The following PDIA5 variants were observed in gnomAD, a reference collection of about 807,000 sequenced individuals.
The protein encoded by PDIA5 is protein disulfide-isomerase A5.
A neutral mutation model predicts 77.6 loss-of-function variants in PDIA5; 58 were observed. The observed-to-expected ratio is 0.75, with a 90% confidence interval of 0.61 to 0.93. The LOEUF is 0.93. Among genes scored for constraint, PDIA5 ranks in the 40% least tolerant of loss-of-function variants. The pLI, the probability that PDIA5 is intolerant of heterozygous loss-of-function variation, is 0.00. For synonymous variants in PDIA5, 250 were observed against 252.1 expected, an observed-to-expected ratio of 0.99 and a Z score of 0.08; for missense variants, 630 against 647.7, an observed-to-expected ratio of 0.97 and a Z score of 0.30.
intron 4 of PDIA5, 69 bp from the exon 5 acceptor site, chr3:123,102,681 GC>G: frequency 7.7e-7 from 1 of 1,300,926 alleles, no homozygotes; most frequent in Non-Finnish European, 1.1e-6. Context: ...TTAAGATGCT[GC>G]AGGAAACCAA....
intron 14 of PDIA5, among the ~76,000 whole-genome samples, chr3:123,151,959 GCCTGCCTT>G (rs1935917459): frequency 8.0e-6 from 1 of 125,686 alleles, no homozygotes; most frequent in African/African-American, 3.3e-5. Flanking sequence ...CTTCCTTCCT[GCCTGCCTT>G]CCTTCCTGCC....
intron 1 of PDIA5, among the ~76,000 whole-genome samples, chr3:123,075,582 G>C (rs1183098737): frequency 1.3e-5 from 2 of 152,150 alleles, no homozygotes; most frequent in African/African-American, 4.8e-5. Context: ...TGTGGGGAGG[G>C]CAGATTTCAG....
At chr3:123,117,229 G>A (rs935311163) in intron 8 of PDIA5, among the ~76,000 whole-genome samples, 5 of 151,632 alleles carry the variant, frequency 3.3e-5, no homozygotes, top group Non-Finnish European at 7.4e-5. Context: ...GTAGCATTAA[G>A]TATATTTACA....
chr3:123,121,145 T>A (rs1048742349), intron 8 of PDIA5, among the ~76,000 whole-genome samples: 7 of 152,206 alleles, frequency 4.6e-5, no homozygotes, highest in African/African-American at 1.7e-4. Context: ...TATCCTGCCT[T>A]CCAGTTAGAT....
At chr3:123,092,170 G>A (rs1934305898) in intron 2 of PDIA5, among the ~76,000 whole-genome samples, 185 bp from the exon 3 acceptor site, 1 of 152,134 alleles carries the variant, frequency 6.6e-6, no homozygotes, top group South Asian at 2.1e-4. Flanking sequence ...AGAAGAGCCA[G>A]GACCATTCTT....
At chr3:123,091,873 A>G (rs1490205982) in intron 2 of PDIA5, among the ~76,000 whole-genome samples, 1 of 152,224 alleles carries the variant, frequency 6.6e-6, no homozygotes, top group Non-Finnish European at 1.5e-5. Context: ...GCACAAGTAA[A>G]GGAAGGATCT....
At position 123,124,298 on chromosome 3, in the gene PDIA5, A is replaced by G. The variant is rs1935191415; in HGVS notation, c.728A>G (p.Asp243Gly). 4 of 1,613,860 alleles carry G rather than the reference A, an allele frequency of 2.5e-6. No individual in the cohort carries two copies. Among genetic ancestry groups the G allele is most frequent in the Non-Finnish European group, 3.4e-6 (4 of 1,179,718 alleles). The change falls in exon 10 of 17, where the codon GAC becomes GGC. Residue 243 changes from aspartate to glycine, a missense_variant. By Grantham distance (94) the Asp-to-Gly change is moderately conservative. Transcript: ENST00000316218. ...AAAGGACGGTTCTTGTTCCAGTATG[A>G]CAACTATGGGTCCACAGCTGAGGAC... ...FEKGRFLFQY[D>G]NYGSTAEDIV...
chr3:123,142,857 T>A (rs150642112), intron 11 of PDIA5, among the ~76,000 whole-genome samples: 15 of 152,306 alleles, frequency 9.8e-5, no homozygotes, highest in Middle Eastern at 3.4e-3. Context: ...GCCCCTGCCC[T>A]CCTGACTGGG....
At chr3:123,067,372 C>G (rs536265934) in intron 1 of PDIA5, 166 bp downstream of exon 1, 1 of 580,748 alleles carries the variant, frequency 1.7e-6, no homozygotes, top group African/African-American at 1.9e-5. Context: ...ACGCGGGAGA[C>G]AGCGGGCGTC....
chr3:123,084,116 A>C (rs1934076596), intron 1 of PDIA5, among the ~76,000 whole-genome samples: 1 of 151,906 alleles, frequency 6.6e-6, no homozygotes. Flanking sequence ...TTCCTCTCTC[A>C]TTCTCAGATC....
At chr3:123,089,041 G>A in intron 1 of PDIA5, 127 bp from the exon 2 acceptor site, 1 of 793,302 alleles carries the variant, frequency 1.3e-6, no homozygotes, top group Non-Finnish European at 2.0e-6. Context: ...TGTGGTGCAT[G>A]AGATGTGTTG....
chr3:123,091,236 G>A (rs1392632012), intron 2 of PDIA5, among the ~76,000 whole-genome samples: 1 of 152,146 alleles, frequency 6.6e-6, no homozygotes, highest in Non-Finnish European at 1.5e-5. Flanking sequence ...TTGCTTCTGT[G>A]AAAGGCTCAG....
Position 123,154,871 on chromosome 3 carries a change from C to T in PDIA5, c.1274-100C>T. The T allele has an allele frequency of 1.0e-5, 8 of 803,056 alleles. No homozygotes were observed. The South Asian group carries it at 1.1e-4, about 11-fold the overall frequency. 49.7% of individuals were successfully genotyped at this position (803,056 alleles called of 1,614,324 possible). A position where few individuals can be genotyped will look rare whatever the true frequency, so the allele number is the denominator to read the frequency against. ...CAGTGTGGCGGGCAGTGGGGAGCTC[C>T]TGGAGAGCCCTCTCTGGAGCTTTCA... On this transcript the variant is annotated intron_variant, in intron 14 of 16. Coordinates refer to ENST00000316218, the MANE Select transcript of PDIA5 (RefSeq NM_006810.4).
At chr3:123,161,591 G>T (rs1247573964) in intron 16 of PDIA5, 136 bp downstream of exon 16, 1 of 963,944 alleles carries the variant, frequency 1.0e-6, no homozygotes, top group Admixed American at 2.6e-5. Context: ...GAGAGGCCCA[G>T]GCCCTGGGCC....
chr3:123,158,612 C>T (rs1336601980), intron 15 of PDIA5, among the ~76,000 whole-genome samples: 1 of 152,194 alleles, frequency 6.6e-6, no homozygotes, highest in East Asian at 1.9e-4. Flanking sequence ...AGCCAGGGTC[C>T]TTGTTCTAGA....
intron 11 of PDIA5, among the ~76,000 whole-genome samples, chr3:123,138,470 T>C (rs769598348): frequency 2.6e-5 from 4 of 152,236 alleles, no homozygotes; most frequent in Non-Finnish European, 5.9e-5. Context: ...CCATTATAAA[T>C]CATGCTGCAA....
At chr3:123,154,698 G>A (rs188205895) in intron 14 of PDIA5, among the ~76,000 whole-genome samples, 1 of 152,308 alleles carries the variant, frequency 6.6e-6, no homozygotes, top group Admixed American at 6.5e-5. Context: ...TGTGGAAGGA[G>A]CAGAACTAGA....
chr3:123,076,554 G>A (rs960788070), intron 1 of PDIA5, among the ~76,000 whole-genome samples: 1 of 152,206 alleles, frequency 6.6e-6, no homozygotes, highest in Non-Finnish European at 1.5e-5. Flanking sequence ...AGACCTGAAG[G>A]GTGGAAACAG....
chr3:123,130,731 A>G (rs2107966103), intron 11 of PDIA5, 115 bp downstream of exon 11: 1 of 1,198,732 alleles, frequency 8.3e-7, no homozygotes. Context: ...GCCAGGACCC[A>G]TGCTAAGCCA....
Sources: allele counts gnomAD v4.1 joint callset (sites outside exome capture counted in the v4.1 genomes callset), GRCh38; gene constraint gnomAD v4.1.1; transcripts MANE v1.5; gene names NCBI Gene and HGNC (gene_info 2026-07-23, HGNC 2026-07-21).